The following GUSB variants were observed in gnomAD, a reference collection of about 807,000 sequenced individuals.
GUSB encodes glucuronidase beta.
GUSB carries 51 observed loss-of-function variants against 74.6 expected under a neutral mutation model. That is an observed-to-expected ratio of 0.68 (90% CI 0.55 to 0.86). GUSB has a LOEUF of 0.86. Ranked by LOEUF, GUSB falls within the 40% of genes least tolerant of loss-of-function variation. The pLI, the probability that GUSB is intolerant of heterozygous loss-of-function variation, is 0.00. For synonymous variants in GUSB, 360 were observed against 348.3 expected (o/e 1.03, Z -0.37); for missense variants, 736 against 853.7 (o/e 0.86, Z 1.72).
Position 65,975,073 on chromosome 7 carries a change from T to C in GUSB, c.913-2A>G. 6 of 1,612,852 alleles carry C rather than the reference T, an allele frequency of 3.7e-6. No homozygotes were observed. Among genetic ancestry groups the C allele is most frequent in the Non-Finnish European group, 4.2e-6 (5 of 1,179,478 alleles). ...TGACGTCTGTGCAGTCAGCTGCACC[T>C]ATGACAGCCAAAGCACCAGGTGTGA... On this transcript the variant is annotated splice_acceptor_variant, in intron 5 of 11. Transcript: ENST00000304895. LOFTEE classifies it high-confidence loss of function.
At chr7:65,969,066 G>A (rs1243941179) in intron 9 of GUSB, among the ~76,000 whole-genome samples, 5 of 152,138 alleles carry the variant, frequency 3.3e-5, no homozygotes, top group Non-Finnish European at 7.3e-5. Flanking sequence ...TTTCTAATGC[G>A]TCCTGAACAC....
At chr7:65,967,008 C>G (rs1790878956) in intron 10 of GUSB, among the ~76,000 whole-genome samples, 1 of 152,084 alleles carries the variant, frequency 6.6e-6, no homozygotes, top group African/African-American at 2.4e-5. Context: ...CAAGCAAGAG[C>G]AGGAGAGCAA....
chr7:65,980,112 G>T, intron 2 of GUSB, 112 bp downstream of exon 2: 2 of 1,147,686 alleles, frequency 1.7e-6, no homozygotes, highest in Non-Finnish European at 2.5e-6. Flanking sequence ...GGCAGGGCAG[G>T]ACCCCCCACC....
intron 10 of GUSB, among the ~76,000 whole-genome samples, chr7:65,966,008 TAAAAATAC>T (rs940412408): frequency 2.0e-5 from 3 of 151,850 alleles, no homozygotes; most frequent in Admixed American, 2.0e-4. Flanking sequence ...TCATCTCTAC[TAAAAATAC>T]AAAATGAGGT....
chr7:65,961,125 C>A (rs1389307656), intron 11 of GUSB, 62 bp from the exon 12 acceptor site: 1 of 1,487,722 alleles, frequency 6.7e-7, no homozygotes, highest in Non-Finnish European at 9.4e-7. Context: ...CAAGTTAGAA[C>A]CAGTCTGGAG....
In GUSB at chr7:65,975,004, C is replaced by T. The variant is rs1583924426; in HGVS notation, c.980G>A (p.Arg327His). The T allele has an allele frequency of 2.5e-6, 4 of 1,612,644 alleles. No individual in the cohort carries two copies. The highest frequency in any genetic ancestry group is 3.4e-6 in the Non-Finnish European group (4 of 1,178,730). ...SDFYTLPVGI[R>H]TVAVTKSQFL... ...CTGGCTCTTGGTGACAGCCACAGTG[C>T]GGATCCCCACAGGGAGTGTGTAGAA... The change falls in exon 6 of 12, where the codon CGC (arginine) becomes CAC (histidine). Residue 327 changes from arginine (R) to histidine (H), a missense_variant. Physicochemically the swap from Arg to His is conservative, Grantham distance 29. Transcript: ENST00000304895.
At chr7:65,971,018 C>T (rs186378154) in intron 8 of GUSB, among the ~76,000 whole-genome samples, 1 of 152,262 alleles carries the variant, frequency 6.6e-6, no homozygotes, top group African/African-American at 2.4e-5. Context: ...TCTAACATCA[C>T]TCCTTCTACC....
chr7:65,979,355 G>C (rs746250343), intron 4 of GUSB, 44 bp downstream of exon 4: 1 of 1,566,114 alleles, frequency 6.4e-7, no homozygotes, highest in East Asian at 2.4e-5. Context: ...AACAAACAGA[G>C]CCACCCTGGG....
chr7:65,978,696 C>T (rs1350130791), intron 4 of GUSB, among the ~76,000 whole-genome samples: 3 of 151,006 alleles, frequency 2.0e-5, no homozygotes, highest in African/African-American at 7.3e-5. Flanking sequence ...CGCTTGAACC[C>T]GGGAGGCAGA....
rs779807872 is a variant in GUSB at position 65,980,388 on chromosome 7, G to C, written c.232C>G (p.Pro78Ala). 2 of 1,613,440 alleles carry C rather than the reference G, an allele frequency of 1.2e-6. No individual in the cohort carries two copies. Among genetic ancestry groups the C allele is most frequent in the South Asian group, 1.1e-5 (1 of 90,926 alleles). The part of the protein sequence containing the change: ...LWESGPTVDM[P>A]VPSSFNDISQ... ...ATGTCATTGAAGCTGGAGGGAACTG[G>C]CATGTCCACGGTGGGGCCTGACTGT... The change falls in exon 2 of 12, where the codon CCA (proline) becomes GCA (alanine). Residue 78 changes from proline (P) to alanine (A), a missense_variant. By Grantham distance (27) the Pro-to-Ala change is conservative. Transcript: ENST00000304895.
At chr7:65,967,191 G>C (rs756892337) in intron 10 of GUSB, among the ~76,000 whole-genome samples, 5 of 152,058 alleles carry the variant, frequency 3.3e-5, no homozygotes, top group Admixed American at 6.6e-5. Context: ...TGGTGCAGAG[G>C]CTCACACCTG....
In GUSB at chr7:65,975,198, A is replaced by T; in HGVS notation, c.913-127T>A. ...CTGGGCCTGTAAGCAGAGATGCAGCAATCAGAGGTTCTGCCCTACCCTGGC... is the reference window on the plus strand; with the variant it reads ...CTGGGCCTGTAAGCAGAGATGCAGCTATCAGAGGTTCTGCCCTACCCTGGC... On this transcript the variant is annotated intron_variant, in intron 5 of 11. Transcript: ENST00000304895. The T allele has an allele frequency of 1.1e-5, 9 of 812,178 alleles. No homozygotes were observed. The South Asian group carries it at 1.3e-4, about 11-fold the overall frequency. The allele number at this position is 812,178 out of a possible 1,614,324, so 50.3% of individuals were successfully genotyped here. A position where few individuals can be genotyped will look rare whatever the true frequency, so the allele number is the denominator to read the frequency against.
At chr7:65,961,093 A>G in intron 11 of GUSB, 30 bp from the exon 12 acceptor site, 1 of 1,600,044 alleles carries the variant, frequency 6.2e-7, no homozygotes, top group South Asian at 1.1e-5. Flanking sequence ...ACACAAAGCG[A>G]TTCAGATGTC....
intron 2 of GUSB, 133 bp from the exon 3 acceptor site, chr7:65,980,044 C>T: frequency 1.1e-6 from 1 of 947,028 alleles, no homozygotes; most frequent in Non-Finnish European, 1.6e-6. Context: ...AGAATGACAT[C>T]CCAATGGGGT....
Position 65,982,005 on chromosome 7 carries a change from T to A in GUSB, c.179A>T (p.Glu60Val). Residue 60 changes from glutamate to valine, a missense_variant, in exon 1 of 12, where the codon GAG becomes GTG. Physicochemically the swap from Glu to Val is moderately radical, Grantham distance 121. Around this residue, in one of 2 missense-constraint regions of GUSB, gnomAD observed 368 missense variants for 363.8 expected, o/e 1.01. Coordinates refer to ENST00000304895, the MANE Select transcript of GUSB (RefSeq NM_000181.4). ...CAGCGGCCGCCGGTACCACTGCTCCTCGAAGCCCCGGCGTCGGTTGTCAGA... is the reference window on the plus strand; with the variant it reads ...CAGCGGCCGCCGGTACCACTGCTCCACGAAGCCCCGGCGTCGGTTGTCAGA... ...DFSDNRRRGF[E>V]EQWYRRPLWE... 1 of 1,609,578 alleles carries A rather than the reference T, an allele frequency of 6.2e-7. No homozygotes were observed. The highest frequency in any genetic ancestry group is 8.5e-7 in the Non-Finnish European group (1 of 1,179,336).
At chr7:65,966,769 A>G (rs1790864546) in intron 10 of GUSB, among the ~76,000 whole-genome samples, 1 of 151,630 alleles carries the variant, frequency 6.6e-6, no homozygotes, top group Non-Finnish European at 1.5e-5. Context: ...GGGCAACACA[A>G]CAAGACCCTG....
intron 1 of GUSB, 38 bp downstream of exon 1, chr7:65,981,936 G>T: frequency 6.4e-7 from 1 of 1,560,534 alleles, no homozygotes; most frequent in South Asian, 1.1e-5. Context: ...CCACCGCCGG[G>T]CTTTCGGGCG....
rs1791553272 is a variant in GUSB at position 65,976,093 on chromosome 7, G to T, written c.834C>A (p.Gly278=). 1 of 1,613,766 alleles carries T rather than the reference G, an allele frequency of 6.2e-7. No individual in the cohort carries two copies. The highest frequency in any genetic ancestry group is 1.3e-5 in the African/African-American group (1 of 74,914). ...KVVANGTGTQ[G]QLKVPGVSLW... is the part of the protein sequence containing the mutation. ...GGCTGACACCTGGCACCTTAAGTTGGCCCTGGGTCCCAGTCCCATTCGCCA... is the reference window on the plus strand; with the variant it reads ...GGCTGACACCTGGCACCTTAAGTTGTCCCTGGGTCCCAGTCCCATTCGCCA... The change falls in exon 5 of 12, where the codon GGC becomes GGA. Residue 278 remains glycine, a synonymous_variant. Coordinates refer to ENST00000304895, the MANE Select transcript of GUSB (RefSeq NM_000181.4).
chr7:65,980,185 G>GCCACC, intron 2 of GUSB, 39 bp downstream of exon 2: 3 of 725,274 alleles, frequency 4.1e-6, no homozygotes, highest in Admixed American at 2.2e-5. Context: ...CAGCAGCCGT[G>GCCACC]CCCCCCCACC....
Sources: allele counts gnomAD v4.1 joint callset (sites outside exome capture counted in the v4.1 genomes callset), GRCh38; gene constraint gnomAD v4.1.1; regional missense constraint gnomAD v4.1.1; transcripts MANE v1.5; gene names NCBI Gene and HGNC (gene_info 2026-07-23, HGNC 2026-07-21).